Variants in SAMD12 observed in about 807,000 individuals in gnomAD.
The protein encoded by SAMD12 is sterile alpha motif domain-containing protein 12.
SAMD12 carries 9 observed loss-of-function variants against 15.0 expected under a neutral mutation model. The ratio of observed to expected loss-of-function variants is 0.60; its 90% CI spans 0.36 to 1.05. SAMD12 has a LOEUF of 1.05. Ranked by LOEUF, SAMD12 falls within the 50% of genes least tolerant of loss-of-function variation. The pLI, the probability that SAMD12 is intolerant of heterozygous loss-of-function variation, is 0.01. For synonymous variants in SAMD12, 86 were observed against 90.1 expected (o/e 0.96, Z 0.25); for missense variants, 230 against 234.2 (o/e 0.98, Z 0.12).
intron 2 of SAMD12, among the ~76,000 whole-genome samples, chr8:118,468,392 C>T (rs77197185): frequency 0.025 from 3,828 of 152,260 alleles, 65 homozygotes; most frequent in Non-Finnish European, 0.038. Context: ...TCTCCAAAAA[C>T]GCCAGTGTCT....
chr8:118,358,220 C>G (rs1344931968), intron 4 of SAMD12, among the ~76,000 whole-genome samples: 1 of 152,148 alleles, frequency 6.6e-6, no homozygotes, highest in East Asian at 1.9e-4. Flanking sequence ...TATGCTTGCT[C>G]TTCTCCTATA....
intron 4 of SAMD12, among the ~76,000 whole-genome samples, chr8:118,312,795 C>T (rs1244270351): frequency 6.6e-6 from 1 of 152,160 alleles, no homozygotes; most frequent in Non-Finnish European, 1.5e-5. Context: ...AAGTAAGAAT[C>T]ATCTAGTAAG....
At chr8:118,516,927 C>T (rs1331804440) in intron 2 of SAMD12, among the ~76,000 whole-genome samples, 1 of 152,222 alleles carries the variant, frequency 6.6e-6, no homozygotes, top group Admixed American at 6.5e-5. Context: ...GCGTGAGCCA[C>T]CGTGCCCAGC....
chr8:118,377,724 C>A (rs766991377), downstream of SAMD12, among the ~76,000 whole-genome samples: 2 of 152,114 alleles, frequency 1.3e-5, no homozygotes, highest in Non-Finnish European at 2.9e-5. Context: ...AGCAAACACA[C>A]TGCAGGCTGA....
intron 2 of SAMD12, among the ~76,000 whole-genome samples, chr8:118,490,528 G>T (rs760614818): frequency 1.3e-5 from 2 of 152,166 alleles, no homozygotes; most frequent in Non-Finnish European, 2.9e-5. Flanking sequence ...GACCATGTTA[G>T]TTAGGATTAG....
chr8:118,197,056 A>G (rs561322001), exon 5 of SAMD12: 1 of 151,816 alleles, frequency 6.6e-6, no homozygotes, highest in Non-Finnish European at 1.5e-5. Flanking sequence ...CGAGTAGTGG[A>G]GTTTGTCTTG....
At chr8:118,492,595 T>C (rs1306913471) in intron 2 of SAMD12, among the ~76,000 whole-genome samples, 5 of 152,192 alleles carry the variant, frequency 3.3e-5, no homozygotes, top group Admixed American at 2.0e-4. Flanking sequence ...AGATGACTAA[T>C]ACTTTTTGTA....
chr8:118,545,958 C>T (rs1271671627), intron 2 of SAMD12, among the ~76,000 whole-genome samples: 2 of 152,194 alleles, frequency 1.3e-5, no homozygotes, highest in African/African-American at 4.8e-5. Context: ...TTCAGTTACT[C>T]CACAGAGCTT....
At chr8:118,191,748 A>C (rs1819379206) in exon 5 of SAMD12, 1 of 109,478 alleles carries the variant, frequency 9.1e-6, no homozygotes, top group African/African-American at 3.3e-5. Flanking sequence ...GAAAAAAAAT[A>C]CTGGAGATTA....
chr8:118,270,039 C>A (rs7000136), intron 4 of SAMD12, among the ~76,000 whole-genome samples: 2 of 151,972 alleles, frequency 1.3e-5, no homozygotes, highest in African/African-American at 2.4e-5. Flanking sequence ...TTGCTTTTAA[C>A]GATGGTGGAA....
intron 4 of SAMD12, among the ~76,000 whole-genome samples, chr8:118,204,598 C>G (rs2451156): frequency 6.6e-6 from 1 of 151,884 alleles, no homozygotes; most frequent in African/African-American, 2.4e-5. Context: ...ACTAAAAATA[C>G]AAAAAATTAG....
intron 2 of SAMD12, among the ~76,000 whole-genome samples, chr8:118,534,983 C>T (rs1413486314): frequency 6.6e-6 from 1 of 152,200 alleles, no homozygotes; most frequent in Non-Finnish European, 1.5e-5. Flanking sequence ...AGCCTTGTTC[C>T]ACTGCTGGCG....
chr8:118,295,488 A>G (rs532695415), intron 4 of SAMD12, among the ~76,000 whole-genome samples: 16 of 152,308 alleles, frequency 1.1e-4, no homozygotes, highest in African/African-American at 3.8e-4. Context: ...AATGATGTGT[A>G]ATTCTACATA....
chr8:118,597,090 AG>A (rs1827742482), intron 1 of SAMD12, among the ~76,000 whole-genome samples: 1 of 152,126 alleles, frequency 6.6e-6, no homozygotes, highest in Non-Finnish European at 1.5e-5. Flanking sequence ...TGGGGCACAG[AG>A]GGTGTGGGAA....
chr8:118,612,240 C>T (rs1828129233), intron 1 of SAMD12, among the ~76,000 whole-genome samples: 1 of 152,148 alleles, frequency 6.6e-6, no homozygotes. Flanking sequence ...GCCTAATTTT[C>T]CCCCAAAATA....
At chr8:118,140,786 C>T in the SAMD12 span, among the ~76,000 whole-genome samples, 1 of 152,192 alleles carries the variant, frequency 6.6e-6, no homozygotes, top group East Asian at 1.9e-4. Flanking sequence ...CACTTGTAGG[C>T]CATGATAATT....
At chr8:118,137,100 C>T in the SAMD12 span, among the ~76,000 whole-genome samples, 1 of 152,166 alleles carries the variant, frequency 6.6e-6, no homozygotes, top group South Asian at 2.1e-4. Context: ...TGAGCAGTGG[C>T]TCCAGGGCCC....
chr8:118,563,543 C>T (rs145779996), intron 2 of SAMD12, among the ~76,000 whole-genome samples: 54 of 152,202 alleles, frequency 3.5e-4, no homozygotes, highest in African/African-American at 1.3e-3. Flanking sequence ...ATTCTTCTTC[C>T]CTGAGTGAAA....
chr8:118,534,163 G>T (rs1825768142), intron 2 of SAMD12, among the ~76,000 whole-genome samples: 2 of 152,082 alleles, frequency 1.3e-5, no homozygotes, highest in Non-Finnish European at 2.9e-5. Context: ...CTCAGCATTT[G>T]CTTGTCTGTA....
Sources: gnomAD v4.1 joint callset for allele counts (sites outside exome capture counted in the v4.1 genomes callset) on GRCh38, gnomAD v4.1.1 for gene constraint, MANE v1.5 for transcripts, NCBI Gene and HGNC (gene_info 2026-07-23, HGNC 2026-07-21) for gene names.